PEX7: variants seen among roughly 807,000 people sequenced by gnomAD.
The protein encoded by PEX7 is peroxisomal biogenesis factor 7, also known as PTS2 receptor.
In PEX7, 34 loss-of-function variants were observed where a neutral mutation model predicts 47.5. That is an observed-to-expected ratio of 0.72 (90% CI 0.54 to 0.95). The LOEUF is 0.95. Among genes scored for constraint, PEX7 ranks in the 40% least tolerant of loss-of-function variants. The pLI, the probability that PEX7 is intolerant of heterozygous loss-of-function variation, is 0.00. For synonymous variants in PEX7, 141 were observed against 148.8 expected, an observed-to-expected ratio of 0.95 and a Z score of 0.38; for missense variants, 394 against 400.3, an observed-to-expected ratio of 0.98 and a Z score of 0.13.
rs780015020 is a variant in PEX7 at position 136,826,483 on chromosome 6, C to T, written c.339+14C>T. The T allele has an allele frequency of 6.2e-7, 1 of 1,613,846 alleles. No individual in the cohort carries two copies. The highest frequency in any genetic ancestry group is 1.1e-5 in the South Asian group (1 of 91,048). On this transcript the variant is annotated intron_variant, in intron 3 of 9. Transcript: ENST00000318471. ...CACGCTCAGGAGGTAGGAGGGAAATCTTTCTGGGCTGATTATTTTTCTTTC... is the reference window on the plus strand; with the variant it reads ...CACGCTCAGGAGGTAGGAGGGAAATTTTTCTGGGCTGATTATTTTTCTTTC...
intron 3 of PEX7, among the ~76,000 whole-genome samples, chr6:136,829,455 A>G (rs1357686248): frequency 6.6e-6 from 1 of 152,186 alleles, no homozygotes; most frequent in African/African-American, 2.4e-5. Context: ...AGGGCTCTAC[A>G]TTCATGACCT....
intron 3 of PEX7, among the ~76,000 whole-genome samples, chr6:136,835,281 A>G (rs549748459): frequency 3.3e-5 from 5 of 150,048 alleles, no homozygotes; most frequent in Admixed American, 6.6e-5. Flanking sequence ...GGAGCTTACA[A>G]AAATTTTTTT....
chr6:136,823,987 A>C (rs1489194650), intron 1 of PEX7, among the ~76,000 whole-genome samples: 1 of 152,228 alleles, frequency 6.6e-6, no homozygotes, highest in Non-Finnish European at 1.5e-5. Flanking sequence ...ATACGCACTG[A>C]AGCGAGATGC....
At chr6:136,905,710 C>G (rs1470024387) in intron 9 of PEX7, among the ~76,000 whole-genome samples, 2 of 152,144 alleles carry the variant, frequency 1.3e-5, no homozygotes, top group Non-Finnish European at 2.9e-5. Context: ...AGCCCTCTTA[C>G]TTTGGTGCAA....
intron 3 of PEX7, among the ~76,000 whole-genome samples, chr6:136,830,946 A>G (rs984133588): frequency 1.1e-4 from 17 of 152,192 alleles, no homozygotes; most frequent in African/African-American, 2.7e-4. Flanking sequence ...GTATACAACT[A>G]TTAGTATTCT....
intron 8 of PEX7, among the ~76,000 whole-genome samples, chr6:136,896,156 T>G (rs1775646620): frequency 6.6e-6 from 1 of 152,226 alleles, no homozygotes; most frequent in Admixed American, 6.5e-5. Context: ...CAACAGAAGC[T>G]GCATTCCAGG....
At chr6:136,845,746 ACTAAATTTT>A in intron 4 of PEX7, 54 bp downstream of exon 4, 1 of 1,100,922 alleles carries the variant, frequency 9.1e-7, no homozygotes, top group South Asian at 1.2e-5. Flanking sequence ...TAGAGCTTCC[ACTAAATTTT>A]CTTCTCTTTT....
intron 8 of PEX7, among the ~76,000 whole-genome samples, chr6:136,875,615 A>G (rs990713368): frequency 2.0e-5 from 3 of 152,342 alleles, no homozygotes; most frequent in Non-Finnish European, 1.5e-5. Context: ...GTTCAGAAGA[A>G]TGTACAGTCT....
chr6:136,864,372 G>A (rs750576438), intron 5 of PEX7, among the ~76,000 whole-genome samples: 11 of 152,002 alleles, frequency 7.2e-5, no homozygotes, highest in South Asian at 2.1e-4. Flanking sequence ...ATCTGGCACC[G>A]TACTCATGCT....
In PEX7 at chr6:136,913,756, A is replaced by G. The variant is rs1411297954; in HGVS notation, c.*230A>G. ...ATTCTAAGAAATAATTAATGTTATG[A>G]TATATCTTGTAGTATCTATTAAAAT... On this transcript the variant is annotated 3_prime_UTR_variant, in exon 10 of 10. Coordinates refer to ENST00000318471, the MANE Select transcript of PEX7 (RefSeq NM_000288.4). 6 of 531,832 alleles carry G rather than the reference A, an allele frequency of 1.1e-5. No individual in the cohort carries two copies. Among genetic ancestry groups the G allele is most frequent in the Non-Finnish European group, 2.0e-5 (6 of 301,512 alleles). 32.9% of individuals were successfully genotyped at this position (531,832 alleles called of 1,614,324 possible).
At chr6:136,862,081 T>TG (rs1467107261) in intron 5 of PEX7, among the ~76,000 whole-genome samples, 1 of 141,444 alleles carries the variant, frequency 7.1e-6, no homozygotes. Flanking sequence ...GTTTTTTTTT[T>TG]GGGGGGACAG....
intron 8 of PEX7, among the ~76,000 whole-genome samples, chr6:136,888,901 G>A (rs557028043): frequency 2.0e-4 from 30 of 152,076 alleles, no homozygotes; most frequent in Non-Finnish European, 4.0e-4. Flanking sequence ...GAGAAGACTT[G>A]CTGTTCAGTT....
intron 3 of PEX7, among the ~76,000 whole-genome samples, chr6:136,836,810 G>A (rs1403618945): frequency 2.0e-5 from 3 of 151,956 alleles, no homozygotes; most frequent in Non-Finnish European, 2.9e-5. Flanking sequence ...AAAATTAGCC[G>A]GGTGTGGTGG....
chr6:136,829,987 G>T, intron 3 of PEX7: 3 of 610,460 alleles, frequency 4.9e-6, no homozygotes. Context: ...GCCAATTTCT[G>T]TTTTTTTTTT....
At chr6:136,848,396 A>C (rs1168139988) in intron 5 of PEX7, among the ~76,000 whole-genome samples, 2 of 152,220 alleles carry the variant, frequency 1.3e-5, no homozygotes, top group African/African-American at 4.8e-5. Flanking sequence ...AGGAGTGGTG[A>C]GAGAGGGCAT....
At chr6:136,904,005 T>C (rs2115284601) in intron 9 of PEX7, among the ~76,000 whole-genome samples, 1 of 152,260 alleles carries the variant, frequency 6.6e-6, no homozygotes. Context: ...CTTGTTTTGG[T>C]TCAAACCTCT....
chr6:136,905,155 A>C (rs1775824823), intron 9 of PEX7, among the ~76,000 whole-genome samples: 1 of 152,224 alleles, frequency 6.6e-6, no homozygotes, highest in African/African-American at 2.4e-5. Flanking sequence ...AGTTCCCAGG[A>C]ATGAGCATCT....
intron 9 of PEX7, among the ~76,000 whole-genome samples, chr6:136,908,365 G>A (rs938119167): frequency 9.9e-5 from 15 of 152,176 alleles, no homozygotes; most frequent in African/African-American, 3.6e-4. Flanking sequence ...CTAGTAGATA[G>A]CATCTTTTAA....
At position 136,905,255 on chromosome 6, in the gene PEX7, C is replaced by T. The variant is rs141053976; in HGVS notation, c.903+7014C>T. ...GGGTTTCTAATTTTCTTGCTGGTTT[C>T]CTCATCCACATCTTTGCTTCTTCAC... is the stretch of plus-strand genomic sequence containing the variant. On this transcript the variant is annotated intron_variant, in intron 9 of 9. Transcript: ENST00000318471. Among the ~76,000 whole-genome samples, 305 of 152,200 alleles carry T rather than the reference C, an allele frequency of 2.0e-3. 3 individuals are homozygous for T. Among genetic ancestry groups the T allele is most frequent in the African/African-American group, 6.7e-3 (277 of 41,544 alleles).
Sources: allele counts gnomAD v4.1 joint callset (sites outside exome capture counted in the v4.1 genomes callset), GRCh38; gene constraint gnomAD v4.1.1; transcripts MANE v1.5; gene names NCBI Gene and HGNC (gene_info 2026-07-23, HGNC 2026-07-21).